SUSD4: variants seen among roughly 807,000 people sequenced by gnomAD.
SUSD4 encodes the protein sushi domain containing 4, also known as sushi domain-containing protein 4.
A neutral mutation model predicts 50.5 loss-of-function variants in SUSD4; 41 were observed. That is an observed-to-expected ratio of 0.81 (90% CI 0.63 to 1.05). SUSD4 has a LOEUF of 1.05. Among genes scored for constraint, SUSD4 ranks in the 50% least tolerant of loss-of-function variants. SUSD4 has a pLI of 0.00. For synonymous variants in SUSD4, 257 were observed against 257.3 expected, an observed-to-expected ratio of 1.00 and a Z score of 0.01; for missense variants, 580 against 634.7, an observed-to-expected ratio of 0.91 and a Z score of 0.93.
intron 2 of SUSD4, among the ~76,000 whole-genome samples, chr1:223,351,712 A>G (rs1003358214): frequency 5.9e-5 from 9 of 152,034 alleles, no homozygotes; most frequent in African/African-American, 2.2e-4. Context: ...TCCACCCTAG[A>G]TTTTCCAAGT....
chr1:223,307,846 T>G (rs1207541254), intron 2 of SUSD4, among the ~76,000 whole-genome samples: 2 of 152,160 alleles, frequency 1.3e-5, no homozygotes, highest in Non-Finnish European at 2.9e-5. Flanking sequence ...TTTTAAAGAT[T>G]AGCTTGAGGA....
intron 2 of SUSD4, among the ~76,000 whole-genome samples, chr1:223,346,040 C>A (rs1668012772): frequency 6.6e-6 from 1 of 152,176 alleles, no homozygotes; most frequent in South Asian, 2.1e-4. Context: ...AGAGTCAGCC[C>A]TACGGACACT....
At chr1:223,336,782 A>C (rs558080433) in intron 2 of SUSD4, among the ~76,000 whole-genome samples, 83 of 152,240 alleles carry the variant, frequency 5.5e-4, no homozygotes, top group African/African-American at 2.0e-3. Context: ...TCTGGCTCCA[A>C]ATCAAATGCT....
Position 223,264,065 on chromosome 1 carries a change from C to A in SUSD4, c.724+565G>T, listed in dbSNP as rs1280515995. 1.2e-5 allele frequency: 12 copies of A among 985,340 alleles called. No individual in the cohort carries two copies. The African/African-American group carries it at 2.1e-4, about 17-fold the overall frequency. The allele number at this position is 985,340 out of a possible 1,614,324, so 61.0% of individuals were successfully genotyped here. A position where few individuals can be genotyped will look rare whatever the true frequency, so the allele number is the denominator to read the frequency against. On this transcript the variant is annotated intron_variant, in intron 5 of 8. Transcript: ENST00000366878. ...TTCCCCTGCAGACACTGCCTTGACT[C>A]CGCCAGTGGAAGCCCTGTCCTTCTC...
chr1:223,347,132 C>T (rs1668077405), intron 2 of SUSD4, among the ~76,000 whole-genome samples: 1 of 151,996 alleles, frequency 6.6e-6, no homozygotes, highest in African/African-American at 2.4e-5. Context: ...TGTTTTGATA[C>T]AGGCAAGCAA....
chr1:223,244,784 G>T (rs570134629), intron 5 of SUSD4, among the ~76,000 whole-genome samples: 22 of 152,188 alleles, frequency 1.4e-4, no homozygotes, highest in Non-Finnish European at 2.1e-4. Flanking sequence ...GGTCAGAGAG[G>T]TGGAAGAAAT....
At chr1:223,358,005 A>G (rs1237522065) in intron 2 of SUSD4, among the ~76,000 whole-genome samples, 1 of 152,252 alleles carries the variant, frequency 6.6e-6, no homozygotes, top group African/African-American at 2.4e-5. Context: ...TGAGCTTTCA[A>G]AGCACAGCAA....
intron 2 of SUSD4, among the ~76,000 whole-genome samples, chr1:223,306,320 T>C (rs1665532963): frequency 6.6e-6 from 1 of 152,206 alleles, no homozygotes; most frequent in South Asian, 2.1e-4. Context: ...TGTGGTATTA[T>C]ATCATGGGAA....
At chr1:223,352,407 C>T (rs1393910295) in intron 2 of SUSD4, among the ~76,000 whole-genome samples, 2 of 152,172 alleles carry the variant, frequency 1.3e-5, no homozygotes, top group African/African-American at 4.8e-5. Flanking sequence ...CCTCCTTAAA[C>T]CATACAAGAC....
At chr1:223,224,553 A>G (rs851147) in intron 7 of SUSD4, among the ~76,000 whole-genome samples, 8,517 of 152,258 alleles carry the variant, frequency 0.056, 625 homozygotes, top group African/African-American at 0.17. Flanking sequence ...CGTTCAAGCT[A>G]CGCAGGCTCA....
chr1:223,304,073 G>T (rs1041115187), intron 2 of SUSD4, among the ~76,000 whole-genome samples: 1 of 152,186 alleles, frequency 6.6e-6, no homozygotes, highest in African/African-American at 2.4e-5. Context: ...GCCTAGAAGA[G>T]CCGTGGCAAG....
Position 223,317,851 on chromosome 1 carries a change from CTTT to C in SUSD4, c.149-25203_149-25201del, listed in dbSNP as rs1172641015. Among the ~76,000 whole-genome samples, 395 of 100,746 alleles carry C rather than the reference CTTT, an allele frequency of 3.9e-3. 1 individual carries two copies. The highest frequency in any genetic ancestry group is 0.014 in the African/African-American group (369 of 26,774). The allele number at this position is 100,746 out of a possible 152,430, so 66.1% of individuals were successfully genotyped here. A position where few individuals can be genotyped will look rare whatever the true frequency, so the allele number is the denominator to read the frequency against. The stretch of plus-strand genomic sequence containing the variant: ...TTGCCCTTCTTTTTTTTTTTTTTTT[CTTT>C]TTTTTTTTTTTTTTTATTATACTCT... On this transcript the variant is annotated intron_variant, in intron 2 of 8. Transcript: ENST00000366878.
At chr1:223,276,193 C>T (rs572770651) in intron 3 of SUSD4, among the ~76,000 whole-genome samples, 43 of 152,180 alleles carry the variant, frequency 2.8e-4, no homozygotes, top group African/African-American at 6.3e-4. Context: ...TGGGGAAATC[C>T]CCCCAAGTCA....
chr1:223,298,032 G>C (rs1045705977), intron 2 of SUSD4, among the ~76,000 whole-genome samples: 4 of 151,994 alleles, frequency 2.6e-5, no homozygotes, highest in African/African-American at 9.7e-5. Flanking sequence ...ATAAATGGAT[G>C]GATGGATGAA....
chr1:223,234,236 T>G (rs569006269), intron 5 of SUSD4, among the ~76,000 whole-genome samples: 38 of 152,298 alleles, frequency 2.5e-4, no homozygotes, highest in African/African-American at 8.7e-4. Flanking sequence ...AGACTGCAAT[T>G]TCCCCAAATA....
chr1:223,268,721 G>A (rs755469387), intron 3 of SUSD4, 46 bp from the exon 4 acceptor site: 15 of 1,578,526 alleles, frequency 9.5e-6, no homozygotes, highest in East Asian at 2.3e-5. Context: ...ATTTTAAAAC[G>A]GTTGTGGTTC....
chr1:223,229,212 A>G lies in SUSD4; in HGVS notation c.901T>C (p.Tyr301His), dbSNP rs763898181. ...TCAGTCTTACCTGATTTGATGCAGT[A>G]GACTTGATAAGAAGGAAACCACTCT... is the stretch of plus-strand genomic sequence containing the variant. Reference protein sequence around the residue: ...YGEWFPSYQVYCIKSEQTWPS... With the variant: ...YGEWFPSYQVHCIKSEQTWPS... The change falls in exon 6 of 9, where the codon TAC (tyrosine) becomes CAC (histidine). Residue 301 changes from tyrosine to histidine, a missense_variant. By Grantham distance (83) the Tyr-to-His change is moderately conservative. Coordinates refer to ENST00000366878, the MANE Select transcript of SUSD4 (RefSeq NM_017982.4). The surrounding 1 kb of genome is among the most constrained non-coding windows in gnomAD (Gnocchi z 4.7). 5 of 1,604,876 alleles carry G rather than the reference A, an allele frequency of 3.1e-6. No homozygotes were observed. Among genetic ancestry groups the G allele is most frequent in the African/African-American group, 2.7e-5 (2 of 74,784 alleles).
At chr1:223,261,129 C>T (rs762324416) in intron 5 of SUSD4, among the ~76,000 whole-genome samples, 4 of 152,162 alleles carry the variant, frequency 2.6e-5, no homozygotes, top group Admixed American at 6.5e-5. Context: ...GGGAGACTAA[C>T]GGGCATTGTG....
rs141751456 is a variant in SUSD4, at chr1:223,243,767, A to G, written c.725-14379T>C. ...ACAATGAAGCTAGAAAGCAAGCCTG[A>G]TGCACTAAGTGGAAAGAAAGAAAGA... On this transcript the variant is annotated intron_variant, in intron 5 of 8. Transcript: ENST00000366878. 5.2e-3 allele frequency among the ~76,000 whole-genome samples: 788 copies of G among 152,332 alleles called. 9 individuals carry two copies. Among genetic ancestry groups the G allele is most frequent in the African/African-American group, 0.018 (752 of 41,574 alleles).
Sources: allele counts gnomAD v4.1 joint callset (sites outside exome capture counted in the v4.1 genomes callset), GRCh38; gene constraint gnomAD v4.1.1; non-coding constraint Gnocchi (gnomAD v3.1); transcripts MANE v1.5; gene names NCBI Gene and HGNC (gene_info 2026-07-23, HGNC 2026-07-21).